COL23A1: variants seen among roughly 807,000 people sequenced by gnomAD.
COL23A1 encodes the protein collagen alpha-1(XXIII) chain.
A neutral mutation model predicts 99.3 loss-of-function variants in COL23A1; 97 were observed. The observed-to-expected ratio is 0.98, with a 90% CI of 0.83 to 1.16. COL23A1 has a LOEUF of 1.16. COL23A1 is among the 50% of genes most tolerant of loss of function. The pLI is 0.00. For missense variants in COL23A1, 762 were observed against 757.4 expected (o/e 1.01, Z -0.07); for synonymous variants, 320 against 308.2 (o/e 1.04, Z -0.40).
At chr5:178,404,344 A>G (rs1764636269) in intron 2 of COL23A1, among the ~76,000 whole-genome samples, 1 of 152,166 alleles carries the variant, frequency 6.6e-6, no homozygotes, top group Non-Finnish European at 1.5e-5. Context: ...TGCAGCAAGG[A>G]GAGGCAGGCA....
At chr5:178,369,121 G>A (rs976132743) in intron 2 of COL23A1, among the ~76,000 whole-genome samples, 21 of 152,224 alleles carry the variant, frequency 1.4e-4, no homozygotes, top group African/African-American at 2.4e-4. Flanking sequence ...GCTATTCAGT[G>A]CGGGTCAGGA....
chr5:178,555,924 C>T (rs1762247735), intron 2 of COL23A1, among the ~76,000 whole-genome samples: 1 of 152,196 alleles, frequency 6.6e-6, no homozygotes, highest in Non-Finnish European at 1.5e-5. Context: ...AAAGCCCAGC[C>T]TCTCCCCACA....
chr5:178,424,989 C>T (rs1474314734), intron 2 of COL23A1, among the ~76,000 whole-genome samples: 1 of 152,230 alleles, frequency 6.6e-6, no homozygotes, highest in South Asian at 2.1e-4. Context: ...GGCTGCCATC[C>T]AGTTCTGGAG....
At chr5:178,503,742 T>G (rs1452479448) in intron 2 of COL23A1, among the ~76,000 whole-genome samples, 1 of 152,114 alleles carries the variant, frequency 6.6e-6, no homozygotes, top group Admixed American at 6.5e-5. Flanking sequence ...TGGGTGTTCT[T>G]TGTACTTTTT....
chr5:178,392,915 CAGTA>C (rs1424293317), intron 2 of COL23A1, among the ~76,000 whole-genome samples: 3 of 152,146 alleles, frequency 2.0e-5, no homozygotes, highest in African/African-American at 4.8e-5. Context: ...TGTCTGACAG[CAGTA>C]CCACTGTTAG....
intron 2 of COL23A1, among the ~76,000 whole-genome samples, chr5:178,518,582 GGGCGGCGGGGCAGAGGC>G (rs1759728591): frequency 2.0e-5 from 3 of 146,570 alleles, no homozygotes; most frequent in Non-Finnish European, 4.6e-5. Flanking sequence ...CTCCCAGATG[GGGCGGCGGGGCAGAGGC>G]GCTCCTCACA....
chr5:178,331,509 C>T (rs137950469), intron 2 of COL23A1, among the ~76,000 whole-genome samples: 6 of 152,332 alleles, frequency 3.9e-5, no homozygotes, highest in South Asian at 2.1e-4. Flanking sequence ...AGCAGGCACC[C>T]GGCCAGGTGC....
intron 2 of COL23A1, among the ~76,000 whole-genome samples, chr5:178,453,989 T>C (rs752136611): frequency 1.3e-5 from 2 of 152,162 alleles, no homozygotes; most frequent in Non-Finnish European, 2.9e-5. Context: ...AACCATTTTA[T>C]AGAAAAAGTT....
chr5:178,293,553 G>A (rs550594414), intron 3 of COL23A1, among the ~76,000 whole-genome samples: 6 of 152,136 alleles, frequency 3.9e-5, no homozygotes, highest in Non-Finnish European at 7.4e-5. Context: ...AAAGGGCCAC[G>A]GGGGCTGGGG....
At chr5:178,532,550 C>A (rs540914300) in intron 2 of COL23A1, among the ~76,000 whole-genome samples, 44 of 152,098 alleles carry the variant, frequency 2.9e-4, no homozygotes, top group Non-Finnish European at 5.9e-4. Context: ...AGGCGAGGGG[C>A]TATTACTGTT....
At chr5:178,529,974 T>C (rs1166500670) in intron 2 of COL23A1, among the ~76,000 whole-genome samples, 1 of 152,250 alleles carries the variant, frequency 6.6e-6, no homozygotes, top group East Asian at 1.9e-4. Context: ...GATCCCGCTC[T>C]AGCAGTCAGG....
rs962051059 is a variant in COL23A1 at position 178,340,737 on chromosome 5, A to G, written c.362-33818T>C. 2.0e-5 allele frequency among the ~76,000 whole-genome samples: 3 copies of G among 152,164 alleles called. No homozygotes were observed. Among genetic ancestry groups the G allele is most frequent in the Non-Finnish European group, 4.4e-5 (3 of 68,008 alleles). On this transcript the variant is annotated intron_variant, in intron 2 of 28. Transcript: ENST00000390654. This position sits in a 1 kb window ranked among gnomAD's most constrained non-coding sequence, Gnocchi z 4.7. ...CTCCCAGGGGCAGTGAGGGAGTCTC[A>G]CCGGAATGGAGGTGGGCGGGAATGG...
chr5:178,290,463 GCTCCTGGCCACCTC>G, intron 3 of COL23A1, 94 bp from the exon 4 acceptor site: 1 of 1,522,120 alleles, frequency 6.6e-7, no homozygotes, highest in African/African-American at 1.4e-5. Context: ...CCTCAGCACG[GCTCCTGGCCACCTC>G]TCCCCGGAAG....
At chr5:178,346,129 A>C (rs933205950) in intron 2 of COL23A1, among the ~76,000 whole-genome samples, 9 of 144,500 alleles carry the variant, frequency 6.2e-5, no homozygotes, top group African/African-American at 2.1e-4. Flanking sequence ...GAATTAAAGT[A>C]GATTTGTTAA....
chr5:178,484,107 G>A (rs1471498555), intron 2 of COL23A1, among the ~76,000 whole-genome samples: 1 of 152,044 alleles, frequency 6.6e-6, no homozygotes, highest in Non-Finnish European at 1.5e-5. Flanking sequence ...TGTATTTTTA[G>A]TAGAGATGGG....
Position 178,354,913 on chromosome 5 carries a change from T to G in COL23A1, c.362-47994A>C, listed in dbSNP as rs193215604. ...CTCTAGTAAAAATACAAAAAATTAG[T>G]TGGGCATGGTGGTGTGAGCCTGTGG... is the stretch of plus-strand genomic sequence containing the variant. On this transcript the variant is annotated intron_variant, in intron 2 of 28. Transcript: ENST00000390654. 3.4e-3 allele frequency among the ~76,000 whole-genome samples: 518 copies of G among 151,970 alleles called. 2 individuals are homozygous for G. Among genetic ancestry groups the G allele is most frequent in the African/African-American group, 0.012 (494 of 41,468 alleles).
chr5:178,509,397 A>G (rs1215244067), intron 2 of COL23A1, among the ~76,000 whole-genome samples: 1 of 151,692 alleles, frequency 6.6e-6, no homozygotes, highest in Admixed American at 6.6e-5. Context: ...ATTTTTTTGT[A>G]TTTTTAGTAG....
chr5:178,547,309 C>T (rs932652136), intron 2 of COL23A1, among the ~76,000 whole-genome samples: 1 of 151,914 alleles, frequency 6.6e-6, no homozygotes, highest in African/African-American at 2.4e-5. Context: ...CCTCTATGAC[C>T]GGCAGTGAGA....
At chr5:178,292,915 A>G (rs2913818) in intron 3 of COL23A1, among the ~76,000 whole-genome samples, 115,924 of 152,058 alleles carry the variant, frequency 0.76, 44,713 homozygotes, top group Non-Finnish European at 0.83. Context: ...CTCAGGAGGG[A>G]GTGATCGCCT....
Sources: allele counts gnomAD v4.1 joint callset (sites outside exome capture counted in the v4.1 genomes callset), GRCh38; gene constraint gnomAD v4.1.1; non-coding constraint Gnocchi (gnomAD v3.1); transcripts MANE v1.5; gene names NCBI Gene and HGNC (gene_info 2026-07-23, HGNC 2026-07-21).